Variants in GRIN3A observed in about 807,000 individuals in gnomAD.
The protein encoded by GRIN3A is glutamate receptor ionotropic, NMDA 3A.
Under a neutral mutation model 92.4 loss-of-function variants are expected in GRIN3A, and 47 were observed. The observed-to-expected ratio is 0.51, with a 90% CI of 0.40 to 0.65. GRIN3A has a LOEUF of 0.65. Ranked by LOEUF, GRIN3A falls within the 30% of genes least tolerant of loss-of-function variation. The pLI, the probability that GRIN3A is intolerant of heterozygous loss-of-function variation, is 0.00. For synonymous variants in GRIN3A, 527 were observed against 540.6 expected (o/e 0.97, Z 0.35); for missense variants, 1,324 against 1,393.1 (o/e 0.95, Z 0.79).
chr9:101,634,250 G>A (rs558781940), intron 3 of GRIN3A, among the ~76,000 whole-genome samples: 2 of 148,098 alleles, frequency 1.4e-5, no homozygotes, highest in South Asian at 2.1e-4. Flanking sequence ...GGGGAATGGC[G>A]TGAACCCGGG....
intron 1 of GRIN3A, among the ~76,000 whole-genome samples, chr9:101,707,250 G>C (rs1282343686): frequency 6.6e-6 from 1 of 152,204 alleles, no homozygotes; most frequent in African/African-American, 2.4e-5. Context: ...AGAAATGTCT[G>C]TACTTCTTTG....
chr9:101,632,420 T>C (rs1480590889), intron 3 of GRIN3A, among the ~76,000 whole-genome samples: 1 of 152,210 alleles, frequency 6.6e-6, no homozygotes, highest in Non-Finnish European at 1.5e-5. Context: ...CTATTATTAT[T>C]ATCATTGTTA....
intron 2 of GRIN3A, among the ~76,000 whole-genome samples, chr9:101,678,453 C>T (rs1308213483): frequency 6.6e-6 from 1 of 151,884 alleles, no homozygotes; most frequent in African/African-American, 2.4e-5. Flanking sequence ...CGCTATAATC[C>T]CTGATTATGT....
At chr9:101,655,243 C>A (rs888462255) in intron 3 of GRIN3A, among the ~76,000 whole-genome samples, 3 of 151,832 alleles carry the variant, frequency 2.0e-5, no homozygotes, top group Admixed American at 6.6e-5. Flanking sequence ...TGAAAACCTT[C>A]GCTGCCTATT....
At chr9:101,674,814 T>C (rs1430799059) in intron 2 of GRIN3A, among the ~76,000 whole-genome samples, 1 of 151,824 alleles carries the variant, frequency 6.6e-6, no homozygotes, top group East Asian at 1.9e-4. Flanking sequence ...TAAGAGGAGG[T>C]AGTAAGCATA....
At chr9:101,621,744 C>T (rs1180668826) in intron 5 of GRIN3A, among the ~76,000 whole-genome samples, 1 of 152,172 alleles carries the variant, frequency 6.6e-6, no homozygotes. Flanking sequence ...CTACCACTGT[C>T]TTTTGACAAG....
chr9:101,660,862 G>A lies in GRIN3A; in HGVS notation c.2352+9198C>T, dbSNP rs185333775. On this transcript the variant is annotated intron_variant, in intron 3 of 8. Transcript: ENST00000361820. ...TTGATTTCAAACTAATCACGTCAGA[G>A]CACTATACTCTTATTCCAATGATGC... Among the ~76,000 whole-genome samples, 23 of 151,786 alleles carry A rather than the reference G, an allele frequency of 1.5e-4. No individual in the cohort carries two copies. The East Asian group carries it at 4.3e-3, about 28-fold the overall frequency.
At chr9:101,660,722 T>C (rs1369867259) in intron 3 of GRIN3A, among the ~76,000 whole-genome samples, 3 of 151,722 alleles carry the variant, frequency 2.0e-5, no homozygotes, top group Non-Finnish European at 4.4e-5. Flanking sequence ...AACAGAGCTG[T>C]CCAATGCCAG....
At chr9:101,667,240 A>G (rs80238567) in intron 3 of GRIN3A, among the ~76,000 whole-genome samples, 11,106 of 151,920 alleles carry the variant, frequency 0.073, 540 homozygotes, top group East Asian at 0.22. Context: ...TGGAGGTAAT[A>G]CATTATATTA....
At chr9:101,621,199 C>A (rs575894826) in intron 5 of GRIN3A, among the ~76,000 whole-genome samples, 1 of 151,130 alleles carries the variant, frequency 6.6e-6, no homozygotes, top group Non-Finnish European at 1.5e-5. Context: ...GCATGAGAAT[C>A]GCTTGAACCT....
At chr9:101,732,078 A>G (rs928413764) in intron 1 of GRIN3A, among the ~76,000 whole-genome samples, 1 of 152,244 alleles carries the variant, frequency 6.6e-6, no homozygotes, top group African/African-American at 2.4e-5. Flanking sequence ...TCTCATCTCT[A>G]TATTTACTGT....
At chr9:101,579,487 T>G in intron 6 of GRIN3A, 127 bp from the exon 7 acceptor site, 2 of 911,298 alleles carry the variant, frequency 2.2e-6, no homozygotes, top group Non-Finnish European at 3.5e-6. Flanking sequence ...AGACTATTTC[T>G]CCCTGTGTGT....
Position 101,573,447 on chromosome 9 carries a change from C to T in GRIN3A, c.3075G>A (p.Arg1025=), listed in dbSNP as rs1393671942. ...CTTCCTCATCACTAAAGATGTATTT[C>T]CGTCGGTTGTCATGACTCAGATTGG... ...NTSNLSHDNR[R]KYIFSDEEGQ... The change falls in exon 9 of 9, where the codon CGG becomes CGA. Residue 1025 remains arginine, a synonymous_variant. Transcript: ENST00000361820. 1 of 1,614,056 alleles carries T rather than the reference C, an allele frequency of 6.2e-7. No individual in the cohort carries two copies. Among genetic ancestry groups the T allele is most frequent in the South Asian group, 1.1e-5 (1 of 91,084 alleles).
At chr9:101,615,390 T>C (rs1473764788) in intron 5 of GRIN3A, among the ~76,000 whole-genome samples, 1 of 110,234 alleles carries the variant, frequency 9.1e-6, no homozygotes, top group African/African-American at 6.4e-5. Flanking sequence ...TTGTTCCTTT[T>C]TTTTTTTTTT....
chr9:101,592,380 G>A (rs998022766), intron 6 of GRIN3A: 1 of 152,262 alleles, frequency 6.6e-6, no homozygotes, highest in Non-Finnish European at 1.5e-5. Flanking sequence ...TTGAATGAAA[G>A]TGGAATTGTG....
intron 1 of GRIN3A, among the ~76,000 whole-genome samples, chr9:101,701,370 C>T (rs998576248): frequency 7.2e-5 from 11 of 152,126 alleles, no homozygotes; most frequent in African/African-American, 2.7e-4. Flanking sequence ...CTTCTCCCTC[C>T]TCCCACCCTC....
intron 3 of GRIN3A, among the ~76,000 whole-genome samples, chr9:101,663,938 C>T (rs1829207700): frequency 6.6e-6 from 1 of 151,620 alleles, no homozygotes; most frequent in East Asian, 1.9e-4. Context: ...AGAAAGTCCA[C>T]TAAAATCAGC....
Position 101,712,388 on chromosome 9 carries a change from GC to G in GRIN3A, c.699+24892del, listed in dbSNP as rs1829889423. ...GTGCAATTCTTCCTGGACTTCACTA[GC>G]TTCAAACCAGGTCATGGGTTTCACT... On this transcript the variant is annotated intron_variant, in intron 1 of 8. Transcript: ENST00000361820. 4.6e-5 allele frequency among the ~76,000 whole-genome samples: 7 copies of G among 152,282 alleles called. No individual in the cohort carries two copies. In the South Asian group the frequency reaches 1.4e-3, roughly 32 times the overall value.
intron 5 of GRIN3A, among the ~76,000 whole-genome samples, chr9:101,618,319 G>A (rs2118860133): frequency 6.6e-6 from 1 of 151,824 alleles, no homozygotes; most frequent in Non-Finnish European, 1.5e-5. Flanking sequence ...CTAATATCCA[G>A]CATCTACAAT....
Sources: allele counts gnomAD v4.1 joint callset (sites outside exome capture counted in the v4.1 genomes callset), GRCh38; gene constraint gnomAD v4.1.1; transcripts MANE v1.5; gene names NCBI Gene and HGNC (gene_info 2026-07-23, HGNC 2026-07-21).